PTPRG: variants seen among roughly 807,000 people sequenced by gnomAD.
PTPRG encodes receptor-type tyrosine-protein phosphatase gamma.
Under a neutral mutation model 165.3 loss-of-function variants are expected in PTPRG, and 102 were observed. The ratio of observed to expected loss-of-function variants is 0.62; its 90% CI spans 0.53 to 0.73. The LOEUF (loss-of-function observed/expected upper bound fraction) is 0.73, where lower values mean the gene tolerates loss of function less well. PTPRG is among the 30% of genes least tolerant of loss of function. The probability of loss-of-function intolerance (pLI) is 0.00; values close to 1 mark genes in which losing one functional copy is unlikely to be tolerated. For synonymous variants in PTPRG, 675 were observed against 669.5 expected, an observed-to-expected ratio of 1.01 and a Z score of -0.13; for missense variants, 1,866 against 1,861.4, an observed-to-expected ratio of 1.00 and a Z score of -0.05.
intron 2 of PTPRG, among the ~76,000 whole-genome samples, chr3:61,784,554 C>G (rs2034639883): frequency 6.6e-6 from 1 of 152,114 alleles, no homozygotes; most frequent in East Asian, 1.9e-4. Flanking sequence ...CTGTGTTTCA[C>G]TTTAAGCTTC....
intron 5 of PTPRG, among the ~76,000 whole-genome samples, chr3:62,127,760 G>A (rs2106913072): frequency 6.6e-6 from 1 of 152,328 alleles, no homozygotes; most frequent in East Asian, 1.9e-4. Flanking sequence ...ATGGGGGACA[G>A]TAGAAGTAAA....
chr3:61,665,895 A>G (rs1447205660), intron 1 of PTPRG, among the ~76,000 whole-genome samples: 3 of 152,256 alleles, frequency 2.0e-5, no homozygotes, highest in Admixed American at 6.5e-5. Context: ...TTGGAATTTT[A>G]TGTATGAATT....
At chr3:61,818,503 T>G (rs1226209249) in intron 2 of PTPRG, among the ~76,000 whole-genome samples, 1 of 151,976 alleles carries the variant, frequency 6.6e-6, no homozygotes, top group Admixed American at 6.6e-5. Context: ...AAATGTATAA[T>G]GAAAAAGTTG....
chr3:62,020,863 C>T (rs2041673609), intron 4 of PTPRG, among the ~76,000 whole-genome samples: 1 of 143,746 alleles, frequency 7.0e-6, no homozygotes, highest in Admixed American at 7.1e-5. Flanking sequence ...TTTTTGGATA[C>T]AGGGTCTTGC....
Position 61,638,439 on chromosome 3 carries a change from A to G in PTPRG, c.85+76067A>G, listed in dbSNP as rs557474981. ...AACATAAGGTAAACCTAAGGTTTACATGCAAGTCTCTTTTGATTGCCAGTT... is the reference window on the plus strand; with the variant it reads ...AACATAAGGTAAACCTAAGGTTTACGTGCAAGTCTCTTTTGATTGCCAGTT... On this transcript the variant is annotated intron_variant, in intron 1 of 29. Transcript: ENST00000474889. Among the ~76,000 whole-genome samples, 117 of 152,176 alleles carry G rather than the reference A, an allele frequency of 7.7e-4. 5 individuals carry two copies. In the South Asian group the frequency reaches 0.015, roughly 20 times the overall value.
rs115522296 is a variant in PTPRG at position 62,237,053 on chromosome 3, C to T, written c.2375+5742C>T. Among the ~76,000 whole-genome samples the T allele has an allele frequency of 1.3e-5, 2 of 152,262 alleles. No individual in the cohort carries two copies. Among genetic ancestry groups the T allele is most frequent in the African/African-American group, 2.4e-5 (1 of 41,562 alleles). ...ACATTTCTAATGTTCAGTCTTTCTGCACTCAAGTTCAGCACTTTGCTTCTG... is the reference window on the plus strand; with the variant it reads ...ACATTTCTAATGTTCAGTCTTTCTGTACTCAAGTTCAGCACTTTGCTTCTG... On this transcript the variant is annotated intron_variant, in intron 14 of 29. Coordinates refer to ENST00000474889, the MANE Select transcript of PTPRG (RefSeq NM_002841.4). This position sits in a 1 kb window ranked among gnomAD's most constrained non-coding sequence, Gnocchi z 4.5.
intron 1 of PTPRG, among the ~76,000 whole-genome samples, chr3:61,699,059 C>G (rs112746153): frequency 6.6e-6 from 1 of 152,094 alleles, no homozygotes; most frequent in East Asian, 1.9e-4. Flanking sequence ...TTAGGAGATA[C>G]ACCTAATGTT....
At chr3:62,194,692 A>G (rs1699917271) in intron 9 of PTPRG, among the ~76,000 whole-genome samples, 1 of 152,000 alleles carries the variant, frequency 6.6e-6, no homozygotes, top group African/African-American at 2.4e-5. Flanking sequence ...AATCCCAGCT[A>G]CTCGGGAGGC....
At chr3:62,124,592 G>A (rs1462205481) in intron 5 of PTPRG, 13 of 1,238,106 alleles carry the variant, frequency 1.0e-5, no homozygotes, top group African/African-American at 4.4e-5. Context: ...GGACCTCACG[G>A]GACTGAAGGC....
rs374408724 is a variant in PTPRG, at chr3:62,181,412, T to C, written c.1034-10057T>C. Among the ~76,000 whole-genome samples, 31 of 132,736 alleles carry C rather than the reference T, an allele frequency of 2.3e-4. 1 individual carries two copies. In the East Asian group the frequency reaches 4.8e-3, roughly 21 times the overall value. 87.1% of individuals were successfully genotyped at this position (132,736 alleles called of 152,430 possible). ...CTCATCACAGGGCCTTTGTACACAC[T>C]TTTTTTTTCTGTCTGACATACCCAA... On this transcript the variant is annotated intron_variant, in intron 8 of 29. Coordinates refer to ENST00000474889, the MANE Select transcript of PTPRG (RefSeq NM_002841.4).
At chr3:61,575,432 G>A (rs956361748) in intron 1 of PTPRG, among the ~76,000 whole-genome samples, 2 of 152,054 alleles carry the variant, frequency 1.3e-5, no homozygotes, top group African/African-American at 4.8e-5. Context: ...GCAGGTACCA[G>A]AGTGAATCCT....
intron 13 of PTPRG, among the ~76,000 whole-genome samples, chr3:62,225,246 G>A (rs1700735343): frequency 6.6e-6 from 1 of 152,182 alleles, no homozygotes; most frequent in Non-Finnish European, 1.5e-5. Flanking sequence ...CTGTTTTTAT[G>A]GCAATAATGT....
At position 61,892,545 on chromosome 3, in the gene PTPRG, G is replaced by A. The variant is rs149260066; in HGVS notation, c.191-97080G>A. ...TGAAATAGGTACCTGGGTCAGGCGCGGTGGCTCATGCCTGTAATTCCAGCA... is the reference window on the plus strand; with the variant it reads ...TGAAATAGGTACCTGGGTCAGGCGCAGTGGCTCATGCCTGTAATTCCAGCA... On this transcript the variant is annotated intron_variant, in intron 2 of 29. Coordinates refer to ENST00000474889, the MANE Select transcript of PTPRG (RefSeq NM_002841.4). Among the ~76,000 whole-genome samples the A allele has an allele frequency of 5.0e-4, 76 of 152,238 alleles. 1 individual carries two copies. The East Asian group carries it at 6.8e-3, about 14-fold the overall frequency.
Position 62,059,642 on chromosome 3 carries a change from G to A in PTPRG, c.520-18521G>A, listed in dbSNP as rs563633017. 3.3e-5 allele frequency among the ~76,000 whole-genome samples: 5 copies of A among 152,230 alleles called. No homozygotes were observed. In the South Asian group the frequency reaches 8.3e-4, roughly 25 times the overall value. Reference sequence around the variant, plus strand: ...TGCATGAGCCCAGGAGTTCAAGACCGGCCTGAGAAACACGGCAAACCCCAT... The same window carrying A: ...TGCATGAGCCCAGGAGTTCAAGACCAGCCTGAGAAACACGGCAAACCCCAT... On this transcript the variant is annotated intron_variant, in intron 4 of 29. Coordinates refer to ENST00000474889, the MANE Select transcript of PTPRG (RefSeq NM_002841.4).
At chr3:61,942,361 GA>G (rs781728904) in intron 2 of PTPRG, among the ~76,000 whole-genome samples, 5 of 152,102 alleles carry the variant, frequency 3.3e-5, no homozygotes, top group Non-Finnish European at 5.9e-5. Flanking sequence ...AAGAGGAAGT[GA>G]AATGCCTATT....
chr3:61,564,077 CCTGCCTCTA>C (rs1217635440), intron 1 of PTPRG, among the ~76,000 whole-genome samples: 45 of 152,342 alleles, frequency 3.0e-4, no homozygotes, highest in African/African-American at 1.0e-3. Flanking sequence ...CCACTGGAGT[CCTGCCTCTA>C]CGGCCTCTAC....
rs950502707 is a variant in PTPRG at position 62,151,192 on chromosome 3, G to A, written c.683-5875G>A. Among the ~76,000 whole-genome samples, 6 of 152,184 alleles carry A rather than the reference G, an allele frequency of 3.9e-5. No homozygotes were observed. In the East Asian group the frequency reaches 1.2e-3, roughly 29 times the overall value. ...GCCAGATATAATTTAATGTTGAAAGGAAACTGCAAGGATAACTGGGCCGCG... is the reference window on the plus strand; with the variant it reads ...GCCAGATATAATTTAATGTTGAAAGAAAACTGCAAGGATAACTGGGCCGCG... On this transcript the variant is annotated intron_variant, in intron 6 of 29. Transcript: ENST00000474889.
chr3:61,964,934 T>C (rs1017595504), intron 2 of PTPRG, among the ~76,000 whole-genome samples: 8 of 152,074 alleles, frequency 5.3e-5, no homozygotes, highest in Admixed American at 4.6e-4. Flanking sequence ...CAAAATGATA[T>C]AATTTTGTAG....
At chr3:61,626,030 GC>G (rs1553641948) in intron 1 of PTPRG, among the ~76,000 whole-genome samples, 1,051 of 44,168 alleles carry the variant, frequency 0.024, 14 homozygotes, top group African/African-American at 0.12. Flanking sequence ...TTTTGGGGGG[GC>G]GGGAGAGATC....
Sources: allele counts gnomAD v4.1 joint callset (sites outside exome capture counted in the v4.1 genomes callset), GRCh38; gene constraint gnomAD v4.1.1; non-coding constraint Gnocchi (gnomAD v3.1); transcripts MANE v1.5; gene names NCBI Gene and HGNC (gene_info 2026-07-23, HGNC 2026-07-21).